RGS20: variants seen among roughly 807,000 people sequenced by gnomAD.
RGS20 encodes the protein regulator of G protein signaling 20, also known as gz-selective GTPase-activating protein.
A neutral mutation model predicts 33.6 loss-of-function variants in RGS20; 30 were observed. The ratio of observed to expected loss-of-function variants is 0.89; its 90% confidence interval spans 0.67 to 1.21. RGS20 has a LOEUF of 1.21. Ranked by LOEUF, RGS20 falls within the 50% of genes most tolerant of loss-of-function variation. The pLI, the probability that RGS20 is intolerant of heterozygous loss-of-function variation, is 0.00. For synonymous variants in RGS20, 208 were observed against 197.9 expected, an observed-to-expected ratio of 1.05 and a Z score of -0.43; for missense variants, 472 against 502.4, an observed-to-expected ratio of 0.94 and a Z score of 0.58.
At chr8:53,874,455 T>G (rs556494416) in intron 1 of RGS20, among the ~76,000 whole-genome samples, 3 of 152,096 alleles carry the variant, frequency 2.0e-5, no homozygotes, top group African/African-American at 7.2e-5. Context: ...AGATATACTT[T>G]AAGGAATTGG....
intron 1 of RGS20, among the ~76,000 whole-genome samples, chr8:53,869,340 A>G (rs1812000599): frequency 6.6e-6 from 1 of 152,200 alleles, no homozygotes; most frequent in Non-Finnish European, 1.5e-5. Flanking sequence ...GTCATTTAAA[A>G]TGTTGTTTAG....
chr8:53,880,668 G>A (rs1812336973), intron 2 of RGS20, among the ~76,000 whole-genome samples: 1 of 152,088 alleles, frequency 6.6e-6, no homozygotes, highest in Non-Finnish European at 1.5e-5. Flanking sequence ...CCCTCTACGC[G>A]CGCCTGGCTT....
At chr8:53,870,239 C>T (rs1458999686) in intron 1 of RGS20, among the ~76,000 whole-genome samples, 3 of 152,212 alleles carry the variant, frequency 2.0e-5, no homozygotes, top group African/African-American at 7.2e-5. Flanking sequence ...CAGAGATAGT[C>T]TATGTATACA....
At chr8:53,865,898 T>C (rs1331940536) in intron 1 of RGS20, among the ~76,000 whole-genome samples, 1 of 152,224 alleles carries the variant, frequency 6.6e-6, no homozygotes, top group Non-Finnish European at 1.5e-5. Flanking sequence ...TGAACCATTG[T>C]GCCTGGCCAA....
intron 2 of RGS20, among the ~76,000 whole-genome samples, chr8:53,934,079 G>C (rs1301222175): frequency 1.3e-5 from 2 of 152,160 alleles, no homozygotes; most frequent in African/African-American, 2.4e-5. Flanking sequence ...GTCACCACCA[G>C]GCCTGCCCTA....
intron 2 of RGS20, among the ~76,000 whole-genome samples, chr8:53,922,394 G>T (rs576050019): frequency 6.6e-6 from 1 of 151,856 alleles, no homozygotes; most frequent in Non-Finnish European, 1.5e-5. Flanking sequence ...TTGCATTTTT[G>T]AATCTAAAGT....
chr8:53,900,836 G>A lies in RGS20; in HGVS notation c.510+21234G>A, dbSNP rs551467406. On this transcript the variant is annotated intron_variant, in intron 2 of 5. Transcript: ENST00000297313. Reference sequence around the variant, plus strand: ...GCCCAGTTCTCTGTTTTAAGCGAGTGTTCTCTAGGGACCAGCTGTGGGCCA... The same window carrying A: ...GCCCAGTTCTCTGTTTTAAGCGAGTATTCTCTAGGGACCAGCTGTGGGCCA... Among the ~76,000 whole-genome samples the A allele has an allele frequency of 3.9e-5, 6 of 152,268 alleles. No individual in the cohort carries two copies. The East Asian group carries it at 1.2e-3, about 29-fold the overall frequency.
At chr8:53,870,942 C>G (rs774221838) in intron 1 of RGS20, among the ~76,000 whole-genome samples, 2 of 151,518 alleles carry the variant, frequency 1.3e-5, no homozygotes, top group Non-Finnish European at 2.9e-5. Context: ...GAAACTGTGT[C>G]TCTACTAAAA....
chr8:53,919,488 C>T (rs951629488), intron 2 of RGS20, among the ~76,000 whole-genome samples: 7 of 151,952 alleles, frequency 4.6e-5, no homozygotes, highest in Non-Finnish European at 1.0e-4. Context: ...ATTACAGGCA[C>T]GTGCCACTAG....
rs771835856 is a variant in RGS20, at chr8:53,958,339, G to C, written c.1048G>C (p.Asp350His). 6.2e-7 allele frequency: 1 copy of C among 1,613,822 alleles called. No individual in the cohort carries two copies. The highest frequency in any genetic ancestry group is 1.3e-5 in the African/African-American group (1 of 74,988). ...GGTGGAGCCATCCCAACACATATTC[G>C]ATGATGCTCAACTTCAGATTTACAC... Residue 350 changes from aspartate to histidine, a missense_variant, in exon 6 of 6, where the codon GAT (aspartate) becomes CAT (histidine). By Grantham distance (81) the Asp-to-His change is moderately conservative. This residue lies in a region of RGS20 where 125 missense variants were observed against 169.5 expected (regional missense o/e 0.74). Coordinates refer to ENST00000297313, the MANE Select transcript of RGS20 (RefSeq NM_170587.4).
chr8:53,915,437 C>CGGG (rs1264577618), intron 2 of RGS20, among the ~76,000 whole-genome samples: 2 of 152,120 alleles, frequency 1.3e-5, no homozygotes, highest in African/African-American at 4.8e-5. Flanking sequence ...GGGATCTCCC[C>CGGG]ACTCCTGCCT....
rs192410463 is a variant in RGS20 at position 53,877,227 on chromosome 8, G to A, written c.166-2031G>A. Among the ~76,000 whole-genome samples, 65 of 152,328 alleles carry A rather than the reference G, an allele frequency of 4.3e-4. No homozygotes were observed. The highest frequency in any genetic ancestry group is 2.4e-3 in the Admixed American group (37 of 15,310). On this transcript the variant is annotated intron_variant, in intron 1 of 5. Coordinates refer to ENST00000297313, the MANE Select transcript of RGS20 (RefSeq NM_170587.4). The surrounding 1 kb of genome is among the most constrained non-coding windows in gnomAD (Gnocchi z 5.7). The stretch of plus-strand genomic sequence containing the variant: ...GAAGGCCGTGGGTGGGCTCAGTCAG[G>A]CTTTAGGTCGCCAGGAACCCGGCTG...
At chr8:53,953,246 C>T (rs1416426164) in intron 4 of RGS20, among the ~76,000 whole-genome samples, 3 of 152,300 alleles carry the variant, frequency 2.0e-5, no homozygotes, top group East Asian at 1.9e-4. Flanking sequence ...GTGAGCCAGA[C>T]GCAGTGGCTC....
chr8:53,904,890 C>A (rs1378273891), intron 2 of RGS20, among the ~76,000 whole-genome samples: 1 of 152,162 alleles, frequency 6.6e-6, no homozygotes, highest in Non-Finnish European at 1.5e-5. Context: ...TCTAATACTT[C>A]CCAAAAGGCC....
intron 1 of RGS20, among the ~76,000 whole-genome samples, chr8:53,867,692 T>TTCCC (rs1811953268): frequency 6.6e-6 from 1 of 151,320 alleles, no homozygotes; most frequent in African/African-American, 2.4e-5. Context: ...CCTTCCTTCC[T>TTCCC]TCCTTCCTTC....
chr8:53,851,993 C>T lies in RGS20; in HGVS notation c.94C>T (p.Gln32Ter). 1 of 1,614,090 alleles carries T rather than the reference C, an allele frequency of 6.2e-7. No individual in the cohort carries two copies. The highest frequency in any genetic ancestry group is 1.7e-5 in the Admixed American group (1 of 60,020). The stretch of plus-strand genomic sequence containing the variant: ...ACAGTTTCTGCCCCTGTTCAGGGCT[C>T]AGAGATATAATACAGACATTCACCA... The change falls in exon 1 of 6, where the codon CAG becomes TAG. Residue 32 changes from glutamine to a stop codon, truncating the protein, a stop_gained. Transcript: ENST00000297313. LOFTEE classifies it high-confidence loss of function.
intron 2 of RGS20, among the ~76,000 whole-genome samples, chr8:53,882,676 C>G (rs567835720): frequency 6.6e-6 from 1 of 151,802 alleles, no homozygotes; most frequent in South Asian, 2.1e-4. Flanking sequence ...AAAAGCCTAT[C>G]GCTCTTTGTC....
At chr8:53,917,774 A>G (rs1296981220) in intron 2 of RGS20, among the ~76,000 whole-genome samples, 1 of 152,170 alleles carries the variant, frequency 6.6e-6, no homozygotes, top group Non-Finnish European at 1.5e-5. Context: ...GTCTCAGTCA[A>G]TCATAATCAG....
intron 2 of RGS20, among the ~76,000 whole-genome samples, chr8:53,896,931 C>G (rs1197526834): frequency 6.6e-6 from 1 of 152,286 alleles, no homozygotes; most frequent in South Asian, 2.1e-4. Context: ...ATACCATTAT[C>G]ATAGAAGAAT....
Sources: gnomAD v4.1 joint callset for allele counts (sites outside exome capture counted in the v4.1 genomes callset) on GRCh38, gnomAD v4.1.1 for gene constraint, gnomAD v4.1.1 regional missense constraint, Gnocchi (gnomAD v3.1) non-coding constraint, MANE v1.5 for transcripts, NCBI Gene and HGNC (gene_info 2026-07-23, HGNC 2026-07-21) for gene names.